Variants in EHBP1L1 observed in about 807,000 individuals in gnomAD.
EHBP1L1 encodes the protein EH domain binding protein 1 like 1.
EHBP1L1 carries 122 observed loss-of-function variants against 151.1 expected under a neutral mutation model. The ratio of observed to expected loss-of-function variants is 0.81; its 90% CI spans 0.70 to 0.94. The LOEUF (loss-of-function observed/expected upper bound fraction) is 0.94, where lower values mean the gene tolerates loss of function less well. Ranked by LOEUF, EHBP1L1 falls within the 40% of genes least tolerant of loss-of-function variation. EHBP1L1 has a pLI of 0.00. For missense variants in EHBP1L1, 1,941 were observed against 1,959.8 expected, an observed-to-expected ratio of 0.99 and a Z score of 0.18; for synonymous variants, 878 against 810.1, an observed-to-expected ratio of 1.08 and a Z score of -1.42.
chr11:65,589,851 T>A, intron 13 of EHBP1L1, 31 bp downstream of exon 13: 1 of 1,550,520 alleles, frequency 6.4e-7, no homozygotes, highest in East Asian at 2.4e-5. Flanking sequence ...CCATCTCAGT[T>A]CAGGCTGCTC....
chr11:65,582,536 G>T lies in EHBP1L1; in HGVS notation c.1864G>T (p.Val622Phe), dbSNP rs773855242. ...AAGATCAAGGGTCCTGGAGTCAGAG[G>T]TTGCTGGGACAGCACAGTGTGAGGG... ...AARSRVLESE[V>F]AGTAQCEGLE... is the part of the protein sequence containing the mutation. Residue 622 changes from valine (V) to phenylalanine (F), a missense_variant, in exon 9 of 19, where the codon GTT becomes TTT. Transcript: ENST00000309295. The T allele has an allele frequency of 1.2e-6, 2 of 1,613,364 alleles. No individual in the cohort carries two copies. Among genetic ancestry groups the T allele is most frequent in the Admixed American group, 3.3e-5 (2 of 60,002 alleles).
rs1462637687 is a variant in EHBP1L1 at position 65,585,446 on chromosome 11, G to T, written c.3788G>T (p.Gly1263Val). Residue 1263 changes from glycine (G) to valine (V), a missense_variant, in exon 12 of 19, where the codon GGG becomes GTG. Gly to Val is a moderately radical substitution (Grantham distance 109). Coordinates refer to ENST00000309295, the MANE Select transcript of EHBP1L1 (RefSeq NM_001099409.3). This position sits in a 1 kb window ranked among gnomAD's most constrained non-coding sequence, Gnocchi z 4.0. ...CGGCCCTCGGTCAACGGGGAGCCCG[G>T]GTCGGTGCCCCCGCCCCGCGCGCAC... ...LRRPSVNGEP[G>V]SVPPPRAHGS... 10 of 1,510,698 alleles carry T rather than the reference G, an allele frequency of 6.6e-6. No homozygotes were observed. In the East Asian group the frequency reaches 2.1e-4, roughly 31 times the overall value. 93.6% of individuals were successfully genotyped at this position (1,510,698 alleles called of 1,614,324 possible).
rs1378962137 is a variant in EHBP1L1 at position 65,591,840 on chromosome 11, AGCCGCGAGCTGCGGGCCATGCTG to A, written c.4328_4350del (p.Arg1443HisfsTer30). Reference sequence around the variant, plus strand: ...CTTGGAGCGAAGGTTCGAGCTGCTGAGCCGCGAGCTGCGGGCCATGCTGGCCATCGAAGGTGGGACATGGGCTC... The same window carrying A: ...CTTGGAGCGAAGGTTCGAGCTGCTGAGCCATCGAAGGTGGGACATGGGCTC... On this transcript the variant is annotated frameshift_variant, in exon 17 of 19. Coordinates refer to ENST00000309295, the MANE Select transcript of EHBP1L1 (RefSeq NM_001099409.3). LOFTEE classifies it high-confidence loss of function. 1 of 1,395,170 alleles carries A rather than the reference AGCCGCGAGCTGCGGGCCATGCTG, an allele frequency of 7.2e-7. No homozygotes were observed. The highest frequency in any genetic ancestry group is 9.5e-7 in the Non-Finnish European group (1 of 1,052,694). 86.4% of individuals were successfully genotyped at this position (1,395,170 alleles called of 1,614,324 possible).
chr11:65,584,516 C>A lies in EHBP1L1; in HGVS notation c.3282C>A (p.Ile1094=). The part of the protein sequence containing the change: ...IDYASLDPLN[I]KQNNKQAFDG... ...ATGCCTCGCTAGACCCACTCAACATCAAGCAGAACAACAAGCAGGTGAGAT... is the reference window on the plus strand; with the variant it reads ...ATGCCTCGCTAGACCCACTCAACATAAAGCAGAACAACAAGCAGGTGAGAT... Residue 1094 remains isoleucine, a synonymous_variant, in exon 11 of 19, where the codon ATC becomes ATA. Coordinates refer to ENST00000309295, the MANE Select transcript of EHBP1L1 (RefSeq NM_001099409.3). The A allele has an allele frequency of 6.2e-7, 1 of 1,612,272 alleles. No homozygotes were observed.
chr11:65,580,515 A>G, intron 6 of EHBP1L1, 36 bp downstream of exon 6: 1 of 1,596,150 alleles, frequency 6.3e-7, no homozygotes. Context: ...GAGACTGCCA[A>G]GACCTGGGGA....
Position 65,583,427 on chromosome 11 carries a change from G to A in EHBP1L1, c.2755G>A (p.Ala919Thr), listed in dbSNP as rs1280646934. The change falls in exon 9 of 19, where the codon GCA becomes ACA. Residue 919 changes from alanine (A) to threonine (T), a missense_variant. Coordinates refer to ENST00000309295, the MANE Select transcript of EHBP1L1 (RefSeq NM_001099409.3). The stretch of plus-strand genomic sequence containing the variant: ...AGTTTTAGGATCCCAGGAAGCAAAA[G>A]CAGAGATTTCAGGAGTACAAGGGTC... Reference protein sequence around the residue: ...PRVLGSQEAKAEISGVQGSET... With the variant: ...PRVLGSQEAKTEISGVQGSET... The A allele has an allele frequency of 1.2e-6, 2 of 1,613,602 alleles. No homozygotes were observed. Among genetic ancestry groups the A allele is most frequent in the Middle Eastern group, 1.7e-4 (1 of 6,060 alleles).
At chr11:65,581,456 C>A in intron 8 of EHBP1L1, 83 bp downstream of exon 8, 1 of 1,427,648 alleles carries the variant, frequency 7.0e-7, no homozygotes, top group East Asian at 2.5e-5. Context: ...CCTCCAGGGC[C>A]CCAACAGTCT....
At position 65,585,549 on chromosome 11, in the gene EHBP1L1, G is replaced by T. The variant is rs1336780862; in HGVS notation, c.3891G>T (p.Ser1297=). Reference sequence around the variant, plus strand: ...GGCTGCGGAACAGCAGCTCGTTCTCGATGGACGATCCGGACGCGGGAGCCA... The same window carrying T: ...GGCTGCGGAACAGCAGCTCGTTCTCTATGGACGATCCGGACGCGGGAGCCA... ...RSRLRNSSSF[S]MDDPDAGAMG... The change falls in exon 12 of 19, where the codon TCG becomes TCT. Residue 1297 remains serine, a synonymous_variant. Coordinates refer to ENST00000309295, the MANE Select transcript of EHBP1L1 (RefSeq NM_001099409.3). This position sits in a 1 kb window ranked among gnomAD's most constrained non-coding sequence, Gnocchi z 4.0. 6.3e-7 allele frequency: 1 copy of T among 1,583,026 alleles called. No individual in the cohort carries two copies. Among genetic ancestry groups the T allele is most frequent in the Non-Finnish European group, 8.5e-7 (1 of 1,171,954 alleles).
At position 65,591,963 on chromosome 11, in the gene EHBP1L1, CT is replaced by C; in HGVS notation, c.4358-11del. The C allele has an allele frequency of 6.2e-7, 1 of 1,610,062 alleles. No homozygotes were observed. The highest frequency in any genetic ancestry group is 8.5e-7 in the Non-Finnish European group (1 of 1,177,060). ...GCCCGCGCCTCCTGACGCTTAGCCG[CT>C]TCGACCCTCAGACTGGCAGAAAACG... On this transcript the variant is annotated splice_polypyrimidine_tract_variant and intron_variant, in intron 17 of 18. Coordinates refer to ENST00000309295, the MANE Select transcript of EHBP1L1 (RefSeq NM_001099409.3).
rs376613570 is a variant in EHBP1L1, at chr11:65,592,118, T to G, written c.4472+28T>G. On this transcript the variant is annotated intron_variant, in intron 18 of 18. Transcript: ENST00000309295. ...GAGTGGCGCTGGGCGGCGCTGGGAGTTGGGAGGGTCCGGGACTTGCTCCCG... is the reference window on the plus strand; with the variant it reads ...GAGTGGCGCTGGGCGGCGCTGGGAGGTGGGAGGGTCCGGGACTTGCTCCCG... 1.1e-4 allele frequency: 175 copies of G among 1,610,700 alleles called. 1 individual carries two copies. In the African/African-American group the frequency reaches 1.6e-3, roughly 15 times the overall value.
rs867462543 is a variant in EHBP1L1, at chr11:65,585,799, G to A, written c.3933+208G>A. ...TGGAAGAGTCCTCTGGTGTGGTAGT[G>A]AGCTCCTCATTAGGGGACGCATTTG... On this transcript the variant is annotated intron_variant, in intron 12 of 18. Coordinates refer to ENST00000309295, the MANE Select transcript of EHBP1L1 (RefSeq NM_001099409.3). This position sits in a 1 kb window ranked among gnomAD's most constrained non-coding sequence, Gnocchi z 4.0. Among the ~76,000 whole-genome samples, 36 of 152,316 alleles carry A rather than the reference G, an allele frequency of 2.4e-4. No homozygotes were observed. The highest frequency in any genetic ancestry group is 6.8e-3 in the Middle Eastern group (2 of 294).
rs1315314604 is a variant in EHBP1L1, at chr11:65,582,412, G to A, written c.1740G>A (p.Glu580=). 6.8e-6 allele frequency: 11 copies of A among 1,609,746 alleles called. No homozygotes were observed. In the Admixed American group the frequency reaches 1.5e-4, roughly 22 times the overall value. The change falls in exon 9 of 19, where the codon GAG becomes GAA. Residue 580 remains glutamate (E), a synonymous_variant. Transcript: ENST00000309295. ...LETETEVVGL[E]VLGTQEKEVE... The stretch of plus-strand genomic sequence containing the variant: ...CAGAGACTGAGGTGGTAGGGTTGGA[G>A]GTGCTGGGAACCCAGGAGAAAGAAG...
At position 65,592,104 on chromosome 11, in the gene EHBP1L1, G is replaced by A; in HGVS notation, c.4472+14G>A. The A allele has an allele frequency of 6.2e-7, 1 of 1,612,418 alleles. No homozygotes were observed. The highest frequency in any genetic ancestry group is 8.5e-7 in the Non-Finnish European group (1 of 1,179,110). ...CAAGGAGCGGATGTGAGTGGCGCTG[G>A]GCGGCGCTGGGAGTTGGGAGGGTCC... is the stretch of plus-strand genomic sequence containing the variant. On this transcript the variant is annotated intron_variant, in intron 18 of 18. Transcript: ENST00000309295.
At position 65,584,738 on chromosome 11, in the gene EHBP1L1, T is replaced by G. The variant is rs138542756; in HGVS notation, c.3300+204T>G. The G allele has an allele frequency of 1.1e-3, 1,106 of 994,264 alleles. 7 individuals carry two copies. In the African/African-American group the frequency reaches 0.014, roughly 13 times the overall value. 61.6% of individuals were successfully genotyped at this position (994,264 alleles called of 1,614,324 possible). On this transcript the variant is annotated intron_variant, in intron 11 of 18. Transcript: ENST00000309295. The stretch of plus-strand genomic sequence containing the variant: ...AGCGTTTTTCCTCCCTTAGATGGTT[T>G]TTCCAAAACCACCCTTTGGTAACGG...
Position 65,592,408 on chromosome 11 carries a change from C to A in EHBP1L1, c.*106C>A. 1 of 815,048 alleles carries A rather than the reference C, an allele frequency of 1.2e-6. No homozygotes were observed. The highest frequency in any genetic ancestry group is 1.5e-6 in the Non-Finnish European group (1 of 652,562). 50.5% of individuals were successfully genotyped at this position (815,048 alleles called of 1,614,324 possible). On this transcript the variant is annotated 3_prime_UTR_variant, in exon 19 of 19. Coordinates refer to ENST00000309295, the MANE Select transcript of EHBP1L1 (RefSeq NM_001099409.3). ...GCCGTCCCGGAGGCCGCGCGCGTGT[C>A]CGCTAGGGGCCGCCGGCGCCCTTCC...
chr11:65,577,259 G>A (rs1857378064), intron 1 of EHBP1L1, among the ~76,000 whole-genome samples: 1 of 152,174 alleles, frequency 6.6e-6, no homozygotes, highest in African/African-American at 2.4e-5. Context: ...GCTAAATTTA[G>A]GCTCCCCAGG....
intron 6 of EHBP1L1, 115 bp from the exon 7 acceptor site, chr11:65,580,943 T>A: frequency 6.8e-7 from 1 of 1,463,150 alleles, no homozygotes. Flanking sequence ...GGCGGTGCCC[T>A]GAGGCCAGGG....
chr11:65,579,524 T>C (rs746264480), intron 3 of EHBP1L1, 88 bp downstream of exon 3: 17 of 1,087,374 alleles, frequency 1.6e-5, no homozygotes, highest in Non-Finnish European at 2.1e-5. Context: ...AGGTTGTTCA[T>C]CCAGATAGAA....
At position 65,576,364 on chromosome 11, in the gene EHBP1L1, T is replaced by C; in HGVS notation, c.62T>C (p.Val21Ala). 1 of 1,598,382 alleles carries C rather than the reference T, an allele frequency of 6.3e-7. No individual in the cohort carries two copies. The highest frequency in any genetic ancestry group is 8.5e-7 in the Non-Finnish European group (1 of 1,172,978). ...AAGCGGGCGGCCAAGTTCCAGTTCG[T>C]GGCCTGTTACCACGAGCTAGTGTTG... is the stretch of plus-strand genomic sequence containing the variant. ...VGKRAAKFQF[V>A]ACYHELVLEC... The change falls in exon 1 of 19, where the codon GTG becomes GCG. Residue 21 changes from valine (V) to alanine (A), a missense_variant. Val to Ala is a moderately conservative substitution (Grantham distance 64). Transcript: ENST00000309295.
Sources: gnomAD v4.1 joint callset for allele counts (sites outside exome capture counted in the v4.1 genomes callset) on GRCh38, gnomAD v4.1.1 for gene constraint, Gnocchi (gnomAD v3.1) non-coding constraint, MANE v1.5 for transcripts, NCBI Gene and HGNC (gene_info 2026-07-23, HGNC 2026-07-21) for gene names.